C6orf58: variants seen among roughly 807,000 people sequenced by gnomAD.
The protein encoded by C6orf58 is chromosome 6 open reading frame 58, also known as protein LEG1 homolog.
C6orf58 carries 30 observed loss-of-function variants against 37.0 expected under a neutral mutation model. The ratio of observed to expected loss-of-function variants is 0.81; its 90% confidence interval spans 0.61 to 1.10. The LOEUF (loss-of-function observed/expected upper bound fraction) is 1.10. Among genes scored for constraint, C6orf58 ranks in the 50% least tolerant of loss-of-function variants. The pLI, the probability that C6orf58 is intolerant of heterozygous loss-of-function variation, is 0.00. For missense variants in C6orf58, 368 were observed against 387.5 expected (o/e 0.95, Z 0.42); for synonymous variants, 143 against 134.1 (o/e 1.07, Z -0.46).
rs564588322 is a variant in C6orf58 at position 127,584,386 on chromosome 6, C to T, written c.674+3104C>T. Among the ~76,000 whole-genome samples the T allele has an allele frequency of 2.6e-5, 4 of 152,328 alleles. No homozygotes were observed. The South Asian group carries it at 8.3e-4, about 32-fold the overall frequency. On this transcript the variant is annotated intron_variant, in intron 4 of 5. Transcript: ENST00000329722. ...CCTCATAGTTTGGATTATTTTATCT[C>T]TTCCATGATGAGTATAGAGTTTTTA...
intron 2 of C6orf58, 132 bp from the exon 3 acceptor site, chr6:127,580,133 T>A (rs1775033203): frequency 1.6e-6 from 1 of 611,248 alleles, no homozygotes; most frequent in Admixed American, 3.2e-5. Context: ...TGTTCAATAT[T>A]TTTTTCCTAA....
Position 127,581,174 on chromosome 6 carries a change from T to TA in C6orf58, c.574-7dup, listed in dbSNP as rs535019412. 4.1e-5 allele frequency: 57 copies of TA among 1,391,348 alleles called. No individual in the cohort carries two copies. The South Asian group carries it at 8.6e-4, about 21-fold the overall frequency. The allele number at this position is 1,391,348 out of a possible 1,614,324, so 86.2% of individuals were successfully genotyped here. A position where few individuals can be genotyped will look rare whatever the true frequency, so the allele number is the denominator to read the frequency against. On this transcript the variant is annotated splice_region_variant and splice_polypyrimidine_tract_variant and intron_variant, in intron 3 of 5. Coordinates refer to ENST00000329722, the MANE Select transcript of C6orf58 (RefSeq NM_001010905.3). Reference sequence around the variant, plus strand: ...CAAATATTAATAAATTTGACCTCTTTACCTTAGTATTTGCAGTCACCTTTT... The same window carrying TA: ...CAAATATTAATAAATTTGACCTCTTTAACCTTAGTATTTGCAGTCACCTTTT...
rs1444170267 is a variant in C6orf58, at chr6:127,580,316, G to A, written c.440G>A (p.Gly147Asp). Residue 147 changes from glycine (G) to aspartate (D), a missense_variant, in exon 3 of 6, where the codon GGT becomes GAT. By Grantham distance (94) the Gly-to-Asp change is moderately conservative. Coordinates refer to ENST00000329722, the MANE Select transcript of C6orf58 (RefSeq NM_001010905.3). ...CCCTTTCTTGCTGCGGTTGATTCTG[G>A]TGTAATGGGGATATCATCAGACCAA... The part of the protein sequence containing the change: ...SLPFLAAVDS[G>D]VMGISSDQVR... 1 of 1,612,624 alleles carries A rather than the reference G, an allele frequency of 6.2e-7. No homozygotes were observed. Among genetic ancestry groups the A allele is most frequent in the South Asian group, 1.1e-5 (1 of 90,964 alleles).
rs922995698 is a variant in C6orf58, at chr6:127,591,681, T to C, written c.*59T>C. 7.4e-5 allele frequency: 103 copies of C among 1,386,200 alleles called. No individual in the cohort carries two copies. Among genetic ancestry groups the C allele is most frequent in the Non-Finnish European group, 9.4e-5 (99 of 1,054,746 alleles). The allele number at this position is 1,386,200 out of a possible 1,614,324, so 85.9% of individuals were successfully genotyped here. A position where few individuals can be genotyped will look rare whatever the true frequency, so the allele number is the denominator to read the frequency against. ...TGAATTAAAAATGAAAAACTCGAACTTGACAATCAGTAATTTCAAAAAATT... is the reference window on the plus strand; with the variant it reads ...TGAATTAAAAATGAAAAACTCGAACCTGACAATCAGTAATTTCAAAAAATT... On this transcript the variant is annotated 3_prime_UTR_variant, in exon 6 of 6. Transcript: ENST00000329722.
chr6:127,589,638 C>T (rs1775140806), intron 4 of C6orf58, among the ~76,000 whole-genome samples: 1 of 152,070 alleles, frequency 6.6e-6, no homozygotes. Flanking sequence ...CAATTTAGAT[C>T]TAGATATTAT....
At chr6:127,580,007 A>G (rs1327985498) in intron 2 of C6orf58, among the ~76,000 whole-genome samples, 2 of 152,116 alleles carry the variant, frequency 1.3e-5, no homozygotes, top group Non-Finnish European at 2.9e-5. Context: ...CATTAAAATT[A>G]CTTTTTGTTT....
chr6:127,577,348 T>C lies in C6orf58; in HGVS notation c.163T>C (p.Trp55Arg). Residue 55 changes from tryptophan (W) to arginine (R), a missense_variant, in exon 1 of 6, where the codon TGG becomes CGG. Transcript: ENST00000329722. ...GAACAGCATGTACATTATTAATCCC[T>C]GGGTATACCTTGAGAGAATGGGGAT... is the stretch of plus-strand genomic sequence containing the variant. ...VENSMYIINP[W>R]VYLERMGMYK... The C allele has an allele frequency of 1.2e-6, 2 of 1,613,682 alleles. No individual in the cohort carries two copies. The highest frequency in any genetic ancestry group is 1.1e-5 in the South Asian group (1 of 91,070).
intron 5 of C6orf58, among the ~76,000 whole-genome samples, chr6:127,590,686 A>C (rs1379058875): frequency 6.6e-6 from 1 of 152,168 alleles, no homozygotes; most frequent in African/African-American, 2.4e-5. Context: ...ATATTTAAAG[A>C]AAATGAAGAC....
At chr6:127,588,441 A>C (rs1389399495) in intron 4 of C6orf58, among the ~76,000 whole-genome samples, 1 of 152,198 alleles carries the variant, frequency 6.6e-6, no homozygotes, top group Non-Finnish European at 1.5e-5. Context: ...AACAACCCTA[A>C]AAGCTCATCA....
chr6:127,587,260 C>T (rs1301716280), intron 4 of C6orf58, among the ~76,000 whole-genome samples: 1 of 152,092 alleles, frequency 6.6e-6, no homozygotes. Flanking sequence ...CTAAAAAACT[C>T]TTTTACCTAA....
At position 127,590,217 on chromosome 6, in the gene C6orf58, C is replaced by G. The variant is rs527828175; in HGVS notation, c.805C>G (p.Arg269Gly). The G allele has an allele frequency of 6.2e-7, 1 of 1,613,700 alleles. No homozygotes were observed. The highest frequency in any genetic ancestry group is 8.5e-7 in the Non-Finnish European group (1 of 1,179,748). The change falls in exon 5 of 6, where the codon CGA (arginine) becomes GGA (glycine). Residue 269 changes from arginine (R) to glycine (G), a missense_variant. Physicochemically the swap from Arg to Gly is moderately radical, Grantham distance 125 (BLOSUM62 -2). Transcript: ENST00000329722. Reference protein sequence around the residue: ...SYKFQKGMPPRILLNTDVAPF... With the variant: ...SYKFQKGMPPGILLNTDVAPF... ...TAAGTTCCAGAAGGGCATGCCACCA[C>G]GAATTCTTCTTAATACTGATGTAGC... is the stretch of plus-strand genomic sequence containing the variant.
At chr6:127,580,548 A>T (rs1397298735) in intron 3 of C6orf58, 99 bp downstream of exon 3, 1 of 841,716 alleles carries the variant, frequency 1.2e-6, no homozygotes, top group African/African-American at 1.7e-5. Context: ...TTTCCTTAGT[A>T]TGCAGATGTA....
At chr6:127,587,124 C>A (rs1324967099) in intron 4 of C6orf58, among the ~76,000 whole-genome samples, 1 of 152,092 alleles carries the variant, frequency 6.6e-6, no homozygotes, top group Non-Finnish European at 1.5e-5. Flanking sequence ...TCAACTAGTT[C>A]TTTTCAATTT....
intron 2 of C6orf58, among the ~76,000 whole-genome samples, chr6:127,579,453 C>T (rs1775024745): frequency 6.6e-6 from 1 of 152,012 alleles, no homozygotes; most frequent in Non-Finnish European, 1.5e-5. Context: ...TTAAAAGACT[C>T]GCGAATAGTA....
At chr6:127,589,921 C>T (rs1245449963) in intron 4 of C6orf58, among the ~76,000 whole-genome samples, 166 bp from the exon 5 acceptor site, 1 of 152,142 alleles carries the variant, frequency 6.6e-6, no homozygotes, top group Non-Finnish European at 1.5e-5. Context: ...GCCAACTTCA[C>T]ACCTCCTGAG....
At chr6:127,586,233 AAGTCAGGCACACAGACTTTC>A (rs1410805454) in intron 4 of C6orf58, among the ~76,000 whole-genome samples, 1 of 152,210 alleles carries the variant, frequency 6.6e-6, no homozygotes, top group Non-Finnish European at 1.5e-5. Context: ...AGCAAAGGAA[AAGTCAGGCACACAGACTTTC>A]AGTCAGGCAC....
intron 4 of C6orf58, among the ~76,000 whole-genome samples, chr6:127,589,577 G>A (rs1406416048): frequency 6.6e-6 from 1 of 152,074 alleles, no homozygotes; most frequent in Admixed American, 6.6e-5. Context: ...CAATTACAGA[G>A]GCTTTTTTTC....
chr6:127,591,595 C>A lies in C6orf58; in HGVS notation c.966C>A (p.Ser322Arg). 6.6e-7 allele frequency: 1 copy of A among 1,524,938 alleles called. No individual in the cohort carries two copies. The highest frequency in any genetic ancestry group is 8.8e-7 in the Non-Finnish European group (1 of 1,141,760). The allele number at this position is 1,524,938 out of a possible 1,614,324, so 94.5% of individuals were successfully genotyped here. A position where few individuals can be genotyped will look rare whatever the true frequency, so the allele number is the denominator to read the frequency against. The change falls in exon 6 of 6, where the codon AGC becomes AGA. Residue 322 changes from serine (S) to arginine (R), a missense_variant. Transcript: ENST00000329722. ...TATATAGAGATCATTCGGAATCTAG[C>A]TCTAGAAGTTATGGAAATAACTCCT... ...SNVYRDHSES[S>R]SRSYGNNS
chr6:127,577,280 T>G lies in C6orf58; in HGVS notation c.95T>G (p.Leu32Arg), dbSNP rs755390630. Reference sequence around the variant, plus strand: ...AATCTCTCAGAGACAGAGCCCCCTCTGTGGAAGGAGAGTCCTGGTCAGCTC... The same window carrying G: ...AATCTCTCAGAGACAGAGCCCCCTCGGTGGAAGGAGAGTCCTGGTCAGCTC... ...TSNLSETEPP[L>R]WKESPGQLSD... Residue 32 changes from leucine (L) to arginine (R), a missense_variant, in exon 1 of 6, where the codon CTG becomes CGG. Leu to Arg is a moderately radical substitution (Grantham distance 102). Coordinates refer to ENST00000329722, the MANE Select transcript of C6orf58 (RefSeq NM_001010905.3). The G allele has an allele frequency of 6.2e-7, 1 of 1,613,496 alleles. No individual in the cohort carries two copies. Among genetic ancestry groups the G allele is most frequent in the Non-Finnish European group, 8.5e-7 (1 of 1,179,566 alleles).
Sources: gnomAD v4.1 joint callset for allele counts (sites outside exome capture counted in the v4.1 genomes callset) on GRCh38, gnomAD v4.1.1 for gene constraint, MANE v1.5 for transcripts, NCBI Gene and HGNC (gene_info 2026-07-23, HGNC 2026-07-21) for gene names.